The following UBA6 variants were observed in gnomAD, a reference collection of about 807,000 sequenced individuals.
UBA6 encodes ubiquitin like modifier activating enzyme 6, also known as ubiquitin-like modifier-activating enzyme 6.
In UBA6, 87 loss-of-function variants were observed where a neutral mutation model predicts 148.3. The observed-to-expected ratio is 0.59, with a 90% CI of 0.49 to 0.70. UBA6 has a LOEUF of 0.70. Among genes scored for constraint, UBA6 ranks in the 30% least tolerant of loss-of-function variants. The pLI, the probability that UBA6 is intolerant of heterozygous loss-of-function variation, is 0.00. For synonymous variants in UBA6, 376 were observed against 401.0 expected, an observed-to-expected ratio of 0.94 and a Z score of 0.75; for missense variants, 1,186 against 1,241.2, an observed-to-expected ratio of 0.96 and a Z score of 0.67.
intron 13 of UBA6, among the ~76,000 whole-genome samples, chr4:67,652,250 TA>T (rs1729570101): frequency 6.6e-6 from 1 of 152,048 alleles, no homozygotes. Context: ...TCTCAACCAA[TA>T]ATTAAAAGCT....
Position 67,665,190 on chromosome 4 carries a change from A to G in UBA6, c.896T>C (p.Phe299Ser), listed in dbSNP as rs1300704167. ...VQVKTPKTVF[F>S]ESLERQLKHP... Reference sequence around the variant, plus strand: ...TTAAGCCGAAAAAAAAATACTTACAAAAAAAACTGTTTTAGGAGTCTTAAC... The same window carrying G: ...TTAAGCCGAAAAAAAAATACTTACAGAAAAAACTGTTTTAGGAGTCTTAAC... Residue 299 changes from phenylalanine (F) to serine (S), a missense_variant and splice_region_variant, in exon 10 of 33, where the codon TTT becomes TCT. Phe to Ser is a radical substitution (Grantham distance 155, BLOSUM62 -2). Coordinates refer to ENST00000322244, the MANE Select transcript of UBA6 (RefSeq NM_018227.6). The G allele has an allele frequency of 1.3e-6, 2 of 1,562,214 alleles. No homozygotes were observed. Among genetic ancestry groups the G allele is most frequent in the Non-Finnish European group, 1.7e-6 (2 of 1,158,434 alleles).
chr4:67,645,980 T>G lies in UBA6; in HGVS notation c.1353A>C (p.Gly451=). ...DRYDALRACI[G]DTLCQKLQNL... is the part of the protein sequence containing the mutation. ...TTTGCAGTTTCTGACACAAAGTGTCTCCAATGCAAGCTCTTAAGGCATCAT... is the reference window on the plus strand; with the variant it reads ...TTTGCAGTTTCTGACACAAAGTGTCGCCAATGCAAGCTCTTAAGGCATCAT... The change falls in exon 16 of 33, where the codon GGA becomes GGC. Residue 451 remains glycine (G), a synonymous_variant. Transcript: ENST00000322244. 1 of 1,598,052 alleles carries G rather than the reference T, an allele frequency of 6.3e-7. No homozygotes were observed. Among genetic ancestry groups the G allele is most frequent in the Non-Finnish European group, 8.5e-7 (1 of 1,171,076 alleles).
chr4:67,681,977 T>C lies in UBA6; in HGVS notation c.229+142A>G. On this transcript the variant is annotated intron_variant, in intron 3 of 32. Transcript: ENST00000322244. ...AAGAATATAACATCACGAAATAGTC[T>C]TGACAAAGATTAAAAACTCAATCTG... The C allele has an allele frequency of 9.1e-6, 6 of 658,428 alleles. No homozygotes were observed. In the South Asian group the frequency reaches 1.2e-4, roughly 13 times the overall value. The allele number at this position is 658,428 out of a possible 1,614,324, so 40.8% of individuals were successfully genotyped here.
intron 1 of UBA6, among the ~76,000 whole-genome samples, chr4:67,698,897 C>T (rs138561695): frequency 2.5e-3 from 383 of 151,978 alleles, no homozygotes; most frequent in African/African-American, 8.9e-3. Flanking sequence ...GAGGAGGAGG[C>T]TGCAGTGAGC....
At chr4:67,690,989 T>C (rs1469795443) in intron 2 of UBA6, among the ~76,000 whole-genome samples, 1 of 152,174 alleles carries the variant, frequency 6.6e-6, no homozygotes, top group Non-Finnish European at 1.5e-5. Context: ...GAAGAAATAT[T>C]TGCTACACAG....
At position 67,626,340 on chromosome 4, in the gene UBA6, T is replaced by C. The variant is rs765168340; in HGVS notation, c.2518+20A>G. On this transcript the variant is annotated intron_variant, in intron 28 of 32. Coordinates refer to ENST00000322244, the MANE Select transcript of UBA6 (RefSeq NM_018227.6). ...AAAACTCATCCAGTTCAAAACATTT[T>C]TATAAAGATTTTCCCTTACTTTTGG... is the stretch of plus-strand genomic sequence containing the variant. The C allele has an allele frequency of 8.6e-6, 13 of 1,516,550 alleles. No individual in the cohort carries two copies. Among genetic ancestry groups the C allele is most frequent in the East Asian group, 4.5e-5 (2 of 44,208 alleles). The allele number at this position is 1,516,550 out of a possible 1,614,324, so 93.9% of individuals were successfully genotyped here. A position where few individuals can be genotyped will look rare whatever the true frequency, so the allele number is the denominator to read the frequency against.
In UBA6 at chr4:67,677,592, T is replaced by C; in HGVS notation, c.465+19A>G. 1 of 1,275,130 alleles carries C rather than the reference T, an allele frequency of 7.8e-7. No homozygotes were observed. The highest frequency in any genetic ancestry group is 1.1e-6 in the Non-Finnish European group (1 of 893,004). The allele number at this position is 1,275,130 out of a possible 1,614,324, so 79.0% of individuals were successfully genotyped here. ...CCTGGAACCTGTCAATAACATTTAA[T>C]ACAAAATGGAGTACTAACCTGGTAT... On this transcript the variant is annotated intron_variant, in intron 6 of 32. Coordinates refer to ENST00000322244, the MANE Select transcript of UBA6 (RefSeq NM_018227.6).
chr4:67,687,440 G>A (rs1730600074), intron 2 of UBA6, among the ~76,000 whole-genome samples: 1 of 152,130 alleles, frequency 6.6e-6, no homozygotes, highest in South Asian at 2.1e-4. Context: ...AGTCAGGATT[G>A]GGATATGAAC....
intron 13 of UBA6, among the ~76,000 whole-genome samples, chr4:67,657,374 C>CATCT (rs1729725149): frequency 2.6e-5 from 4 of 152,120 alleles, no homozygotes; most frequent in African/African-American, 4.8e-5. Flanking sequence ...TCAGAAATAA[C>CATCT]ACCACACATC....
rs1729089671 is a variant in UBA6, at chr4:67,634,527, T to C, written c.1843-9A>G. The C allele has an allele frequency of 1.3e-6, 2 of 1,550,856 alleles. No individual in the cohort carries two copies. Among genetic ancestry groups the C allele is most frequent in the Admixed American group, 2.3e-5 (1 of 44,034 alleles). ...TCTTCTGGGGGATCCCGCTAATTTA[T>C]AAAATATGACAACAGGTACTTAAGG... On this transcript the variant is annotated splice_polypyrimidine_tract_variant and intron_variant, in intron 20 of 32. Transcript: ENST00000322244.
chr4:67,699,017 G>C (rs1326243041), intron 1 of UBA6, among the ~76,000 whole-genome samples: 5 of 151,928 alleles, frequency 3.3e-5, no homozygotes, highest in Non-Finnish European at 7.4e-5. Context: ...AATTTTAAAG[G>C]AAAAAAACTA....
At chr4:67,634,564 C>A (rs1214250572) in intron 20 of UBA6, 46 bp from the exon 21 acceptor site, 1 of 1,353,990 alleles carries the variant, frequency 7.4e-7, no homozygotes, top group South Asian at 1.5e-5. Context: ...GAAGCAATGA[C>A]CAATTTTTAT....
intron 7 of UBA6, among the ~76,000 whole-genome samples, chr4:67,671,243 ATCC>A (rs1327403976): frequency 6.6e-6 from 1 of 152,202 alleles, no homozygotes; most frequent in Non-Finnish European, 1.5e-5. Context: ...ATAAAGAGAA[ATCC>A]TCATTCTGTA....
At chr4:67,694,577 T>C (rs1319317895) in intron 2 of UBA6, among the ~76,000 whole-genome samples, 1 of 151,914 alleles carries the variant, frequency 6.6e-6, no homozygotes, top group Non-Finnish European at 1.5e-5. Context: ...TTTTGTATTT[T>C]TAGTAGAGAC....
intron 2 of UBA6, among the ~76,000 whole-genome samples, chr4:67,687,853 A>T (rs1730608772): frequency 6.6e-6 from 1 of 152,176 alleles, no homozygotes; most frequent in Non-Finnish European, 1.5e-5. Context: ...CACATGACGC[A>T]AGTTTACATA....
chr4:67,622,928 A>T lies in UBA6; in HGVS notation c.2929-3T>A, dbSNP rs1728782906. ...GTTGGCTCAATTCCATACTTCTCCT[A>T]AAAGTGAATATCCAAAAAAGAAACA... On this transcript the variant is annotated splice_polypyrimidine_tract_variant and splice_region_variant and intron_variant, in intron 31 of 32. Coordinates refer to ENST00000322244, the MANE Select transcript of UBA6 (RefSeq NM_018227.6). The T allele has an allele frequency of 2.5e-6, 4 of 1,595,980 alleles. No individual in the cohort carries two copies. The highest frequency in any genetic ancestry group is 3.4e-6 in the Non-Finnish European group (4 of 1,170,390).
chr4:67,679,943 C>T (rs1263283189), intron 4 of UBA6, among the ~76,000 whole-genome samples: 1 of 152,092 alleles, frequency 6.6e-6, no homozygotes, highest in Non-Finnish European at 1.5e-5. Flanking sequence ...ATGGAACAAT[C>T]TGAGCATCAA....
intron 11 of UBA6, 139 bp from the exon 12 acceptor site, chr4:67,663,354 A>G: frequency 1.8e-6 from 1 of 557,372 alleles, no homozygotes; most frequent in Non-Finnish European, 3.2e-6. Flanking sequence ...CTATTTAACA[A>G]ATAAGAAACC....
At chr4:67,659,513 C>T (rs984998981) in intron 13 of UBA6, among the ~76,000 whole-genome samples, 1 of 105,428 alleles carries the variant, frequency 9.5e-6, no homozygotes, top group African/African-American at 3.5e-5. Flanking sequence ...TTCTCCTGTG[C>T]CTTCTGCCAT....
Sources: allele counts gnomAD v4.1 joint callset (sites outside exome capture counted in the v4.1 genomes callset), GRCh38; gene constraint gnomAD v4.1.1; transcripts MANE v1.5; gene names NCBI Gene and HGNC (gene_info 2026-07-23, HGNC 2026-07-21).